TTC27: variants seen among roughly 807,000 people sequenced by gnomAD.
TTC27 encodes tetratricopeptide repeat protein 27.
Under a neutral mutation model 115.9 loss-of-function variants are expected in TTC27, and 79 were observed. That is an observed-to-expected ratio of 0.68 (90% CI 0.57 to 0.82). The LOEUF (loss-of-function observed/expected upper bound fraction) is 0.82. Ranked by LOEUF, TTC27 falls within the 40% of genes least tolerant of loss-of-function variation. The pLI is 0.00. For missense variants in TTC27, 1,054 were observed against 993.1 expected (o/e 1.06, Z -0.82); for synonymous variants, 401 against 356.0 (o/e 1.13, Z -1.42).
intron 10 of TTC27, among the ~76,000 whole-genome samples, chr2:32,708,804 T>A (rs1205893075): frequency 6.6e-6 from 1 of 152,078 alleles, no homozygotes; most frequent in Non-Finnish European, 1.5e-5. Context: ...TTCTCCTGGC[T>A]TAACCAGAAA....
chr2:32,629,424 C>T (rs1018223322), intron 1 of TTC27, among the ~76,000 whole-genome samples: 1 of 148,358 alleles, frequency 6.7e-6, no homozygotes, highest in Non-Finnish European at 1.5e-5. Context: ...ACGGCCTAGG[C>T]GGCAATGATT....
At chr2:32,818,397 AGGTAGAT>A (rs1407837290) in intron 19 of TTC27, among the ~76,000 whole-genome samples, 1 of 152,240 alleles carries the variant, frequency 6.6e-6, no homozygotes, top group Admixed American at 6.5e-5. Context: ...AAAATTGTTA[AGGTAGAT>A]GGCTATTGAG....
intron 9 of TTC27, among the ~76,000 whole-genome samples, chr2:32,683,023 T>G (rs914282016): frequency 1.1e-4 from 17 of 151,756 alleles, no homozygotes; most frequent in African/African-American, 3.6e-4. Context: ...CTGGCTAATT[T>G]TTTTGTGTTT....
chr2:32,720,086 C>G (rs76630725), intron 10 of TTC27, among the ~76,000 whole-genome samples: 6,038 of 152,248 alleles, frequency 0.04, 275 homozygotes, highest in African/African-American at 0.11. Context: ...TGCTTACTTT[C>G]TCTCCTTACT....
intron 13 of TTC27, among the ~76,000 whole-genome samples, chr2:32,759,058 A>T (rs1454055859): frequency 2.0e-5 from 3 of 152,216 alleles, no homozygotes; most frequent in African/African-American, 7.2e-5. Flanking sequence ...AAACTAAGTG[A>T]CATGATAAAT....
At chr2:32,711,137 A>G (rs947226036) in intron 10 of TTC27, among the ~76,000 whole-genome samples, 19 of 149,514 alleles carry the variant, frequency 1.3e-4, no homozygotes, top group Admixed American at 6.0e-4. Flanking sequence ...AAAAAAAAAA[A>G]AAGAAGAAGA....
chr2:32,694,900 A>G (rs1666933577), intron 9 of TTC27, among the ~76,000 whole-genome samples: 1 of 151,826 alleles, frequency 6.6e-6, no homozygotes, highest in South Asian at 2.1e-4. Flanking sequence ...GCTGATCTCA[A>G]ACTCCTGGGC....
At chr2:32,759,477 G>A (rs1261038333) in intron 13 of TTC27, among the ~76,000 whole-genome samples, 2 of 152,046 alleles carry the variant, frequency 1.3e-5, no homozygotes, top group Non-Finnish European at 2.9e-5. Context: ...ACAGTTCAGT[G>A]CCAGGCATGG....
At chr2:32,694,799 C>T (rs1239261877) in intron 9 of TTC27, among the ~76,000 whole-genome samples, 5 of 151,114 alleles carry the variant, frequency 3.3e-5, no homozygotes, top group East Asian at 1.9e-4. Context: ...CAGCCTGTCA[C>T]GTAGCTGGTA....
intron 8 of TTC27, among the ~76,000 whole-genome samples, chr2:32,678,257 A>G (rs1666287113): frequency 6.7e-6 from 1 of 150,112 alleles, no homozygotes; most frequent in Non-Finnish European, 1.5e-5. Flanking sequence ...CTGTCTCAAA[A>G]AAAAAAAAAA....
intron 13 of TTC27, among the ~76,000 whole-genome samples, chr2:32,759,029 C>T (rs1007498195): frequency 5.3e-5 from 8 of 151,824 alleles, no homozygotes; most frequent in Admixed American, 3.3e-4. Context: ...AAAAATAATG[C>T]GAAAGGGTCT....
At chr2:32,694,986 T>A (rs951811372) in intron 9 of TTC27, among the ~76,000 whole-genome samples, 1 of 152,110 alleles carries the variant, frequency 6.6e-6, no homozygotes, top group African/African-American at 2.4e-5. Flanking sequence ...GCCTGCTCTG[T>A]CTTTTTAAGG....
intron 19 of TTC27, among the ~76,000 whole-genome samples, chr2:32,819,407 C>G (rs1671609156): frequency 1.3e-5 from 2 of 152,162 alleles, no homozygotes; most frequent in African/African-American, 4.8e-5. Flanking sequence ...TTGGGAGTCT[C>G]TGGTTTCGTA....
At chr2:32,642,000 C>T (rs868076717) in intron 4 of TTC27, among the ~76,000 whole-genome samples, 27 of 152,092 alleles carry the variant, frequency 1.8e-4, no homozygotes, top group Admixed American at 5.2e-4. Context: ...GGACTACAGG[C>T]GGCTGCCACG....
intron 5 of TTC27, among the ~76,000 whole-genome samples, chr2:32,660,586 G>T (rs1221295353): frequency 6.6e-6 from 1 of 151,818 alleles, no homozygotes. Context: ...ATCATGGGGG[G>T]TGGGGGACTA....
At chr2:32,655,673 A>G (rs1665288674) in intron 5 of TTC27, among the ~76,000 whole-genome samples, 1 of 152,026 alleles carries the variant, frequency 6.6e-6, no homozygotes, top group African/African-American at 2.4e-5. Flanking sequence ...GGACAGTTTC[A>G]GAGATTACTT....
intron 9 of TTC27, among the ~76,000 whole-genome samples, chr2:32,700,301 A>G (rs896229462): frequency 3.3e-5 from 5 of 152,176 alleles, no homozygotes; most frequent in Non-Finnish European, 5.9e-5. Flanking sequence ...AGGGAGGTCA[A>G]GTAACTTCCC....
At chr2:32,664,029 A>C (rs549018585) in intron 5 of TTC27, among the ~76,000 whole-genome samples, 6 of 152,122 alleles carry the variant, frequency 3.9e-5, no homozygotes, top group Middle Eastern at 3.4e-3. Flanking sequence ...ACCCGCTGAG[A>C]AAGAGCAAGG....
At chr2:32,648,933 C>T (rs548647153) in intron 4 of TTC27, among the ~76,000 whole-genome samples, 1 of 151,996 alleles carries the variant, frequency 6.6e-6, no homozygotes. Flanking sequence ...ATCACGTGAG[C>T]CTGAGGAGGT....
Sources: gnomAD v4.1 joint callset for allele counts (sites outside exome capture counted in the v4.1 genomes callset) on GRCh38, gnomAD v4.1.1 for gene constraint, MANE v1.5 for transcripts, NCBI Gene and HGNC (gene_info 2026-07-23, HGNC 2026-07-21) for gene names.